Variants in PCDH15 observed in about 807,000 individuals in gnomAD.
The protein encoded by PCDH15 is protocadherin-15.
In PCDH15, 129 loss-of-function variants were observed where a neutral mutation model predicts 178.5. That is an observed-to-expected ratio of 0.72 (90% confidence interval 0.63 to 0.84). The LOEUF (loss-of-function observed/expected upper bound fraction) is 0.84. PCDH15 is among the 40% of genes least tolerant of loss of function. The pLI, the probability that PCDH15 is intolerant of heterozygous loss-of-function variation, is 0.00. For missense variants in PCDH15, 2,230 were observed against 2,099.9 expected (o/e 1.06, Z -1.21); for synonymous variants, 800 against 732.0 (o/e 1.09, Z -1.50).
chr10:54,832,628 T>C (rs1033491560), intron 3 of PCDH15, among the ~76,000 whole-genome samples: 1 of 152,330 alleles, frequency 6.6e-6, no homozygotes, highest in African/African-American at 2.4e-5. Flanking sequence ...GATTATCTAC[T>C]TTATTTCCCA....
At chr10:55,407,976 G>A (rs1838240964) in intron 2 of PCDH15, among the ~76,000 whole-genome samples, 1 of 151,902 alleles carries the variant, frequency 6.6e-6, no homozygotes, top group African/African-American at 2.4e-5. Flanking sequence ...CTGCAAAAAG[G>A]GATCAAAGGA....
intron 2 of PCDH15, among the ~76,000 whole-genome samples, chr10:54,642,463 CA>C (rs2094014036): frequency 6.6e-6 from 1 of 152,162 alleles, no homozygotes; most frequent in African/African-American, 2.4e-5. Context: ...TTATTCCCTC[CA>C]TTTAGAATAA....
At position 54,863,762 on chromosome 10, in the gene PCDH15, A is replaced by G. The variant is rs1953888830; in HGVS notation, c.-29+33688T>C. Among the ~76,000 whole-genome samples the G allele has an allele frequency of 1.3e-5, 2 of 152,208 alleles. 1 individual carries two copies. Among genetic ancestry groups the G allele is most frequent in the Non-Finnish European group, 2.9e-5 (2 of 68,036 alleles). ...ATTTTTGATGGGCTATGTCAGAGTC[A>G]GGGTTAAAGTTGATATTAAACCTCC... On this transcript the variant is annotated intron_variant, in intron 3 of 5. Coordinates refer to the PCDH15 transcript ENST00000458638.
At chr10:53,913,784 G>A (rs1333877387) in intron 25 of PCDH15, among the ~76,000 whole-genome samples, 4 of 151,708 alleles carry the variant, frequency 2.6e-5, no homozygotes. Context: ...AAAACAAAGA[G>A]CTTCTGCACA....
At position 54,332,191 on chromosome 10, in the gene PCDH15, T is replaced by C. The variant is rs977365922; in HGVS notation, c.595-2485A>G. Among the ~76,000 whole-genome samples the C allele has an allele frequency of 3.6e-5, 5 of 140,708 alleles. No individual in the cohort carries two copies. The East Asian group carries it at 9.8e-4, about 28-fold the overall frequency. 92.3% of individuals were successfully genotyped at this position (140,708 alleles called of 152,430 possible). A position where few individuals can be genotyped will look rare whatever the true frequency, so the allele number is the denominator to read the frequency against. ...AAAACTTATTATGATAGATAATAAA[T>C]TACCTTTTTGGTTAAATCATCTTTA... On this transcript the variant is annotated intron_variant, in intron 6 of 37. Coordinates refer to ENST00000644397, the MANE Select transcript of PCDH15 (RefSeq NM_001384140.1).
chr10:54,423,215 C>A (rs1194746988), intron 3 of PCDH15, among the ~76,000 whole-genome samples: 1 of 152,110 alleles, frequency 6.6e-6, no homozygotes, highest in East Asian at 1.9e-4. Flanking sequence ...GATGCTCCCC[C>A]TGCCAGCAGA....
chr10:54,033,827 T>C (rs1229324988), intron 18 of PCDH15, among the ~76,000 whole-genome samples: 3 of 151,998 alleles, frequency 2.0e-5, no homozygotes, highest in Non-Finnish European at 1.5e-5. Context: ...TATCAGGTGT[T>C]TTTATAGGTC....
At chr10:53,865,352 C>A (rs1037821851) in intron 27 of PCDH15, among the ~76,000 whole-genome samples, 1 of 151,984 alleles carries the variant, frequency 6.6e-6, no homozygotes, top group Non-Finnish European at 1.5e-5. Context: ...TGAGAGAACA[C>A]AATGGAAGTT....
chr10:54,157,033 C>G (rs1371213872), intron 13 of PCDH15, among the ~76,000 whole-genome samples: 1 of 152,174 alleles, frequency 6.6e-6, no homozygotes, highest in Non-Finnish European at 1.5e-5. Flanking sequence ...CAGGGGACAG[C>G]CTCCCCCCCA....
At chr10:54,242,197 CACAT>C (rs1179181216) in intron 8 of PCDH15, among the ~76,000 whole-genome samples, 39 of 123,224 alleles carry the variant, frequency 3.2e-4, no homozygotes, top group East Asian at 1.2e-3. Flanking sequence ...TACACACACA[CACAT>C]ACATACATAC....
Position 54,020,257 on chromosome 10 carries a change from C to A in PCDH15, c.2686G>T (p.Val896Leu). 6.2e-7 allele frequency: 1 copy of A among 1,613,716 alleles called. No individual in the cohort carries two copies. Among genetic ancestry groups the A allele is most frequent in the Non-Finnish European group, 8.5e-7 (1 of 1,179,764 alleles). ...GTTCCATAAATATCAAAGGCCTCTACCAGAAAAGTGATACTTGCTTCTTGG... is the reference window on the plus strand; with the variant it reads ...GTTCCATAAATATCAAAGGCCTCTAACAGAAAAGTGATACTTGCTTCTTGG... ...PDQEASITFL[V>L]EAFDIYGTMP... Residue 896 changes from valine to leucine, a missense_variant, in exon 20 of 38, where the codon GTA becomes TTA. Coordinates refer to ENST00000644397, the MANE Select transcript of PCDH15 (RefSeq NM_001384140.1).
intron 15 of PCDH15, among the ~76,000 whole-genome samples, chr10:54,112,578 G>A (rs996542351): frequency 2.6e-5 from 4 of 152,098 alleles, no homozygotes; most frequent in African/African-American, 9.7e-5. Flanking sequence ...CCAACCACTT[G>A]TTACTCATCT....
intron 2 of PCDH15, among the ~76,000 whole-genome samples, chr10:54,900,280 T>C (rs1282259031): frequency 2.0e-5 from 3 of 152,108 alleles, no homozygotes; most frequent in Non-Finnish European, 4.4e-5. Context: ...GTAAATTATA[T>C]ATAATATTCG....
intron 23 of PCDH15, among the ~76,000 whole-genome samples, chr10:53,953,885 G>A (rs2087340592): frequency 6.6e-6 from 1 of 152,094 alleles, no homozygotes; most frequent in Non-Finnish European, 1.5e-5. Flanking sequence ...AGCCTCTTGG[G>A]TTCATGCCAT....
rs1840014945 is a variant in PCDH15, at chr10:55,010,054, ATAAG to A, written c.-79-112558_-79-112555del. ...GTTTTAGTATTCTGATACAGTTTAC[ATAAG>A]TAATAGGAGAAAAAATGAGAAGACT... On this transcript the variant is annotated intron_variant, in intron 2 of 5. Transcript: ENST00000458638. 3.9e-5 allele frequency among the ~76,000 whole-genome samples: 6 copies of A among 152,282 alleles called. No individual in the cohort carries two copies. In the South Asian group the frequency reaches 1.2e-3, roughly 32 times the overall value.
chr10:54,310,348 A>C (rs2060827693), intron 8 of PCDH15, among the ~76,000 whole-genome samples: 1 of 152,104 alleles, frequency 6.6e-6, no homozygotes, highest in Non-Finnish European at 1.5e-5. Flanking sequence ...TGGAGGCCGG[A>C]TGCCGAGTTT....
At chr10:54,161,397 T>C (rs902598761) in intron 13 of PCDH15, among the ~76,000 whole-genome samples, 3 of 151,904 alleles carry the variant, frequency 2.0e-5, no homozygotes, top group African/African-American at 7.3e-5. Flanking sequence ...CAGCTGAAAA[T>C]GGGAGTGAGC....
rs537068363 is a variant in PCDH15, at chr10:54,859,217, T to C, written c.-29+38233A>G. Among the ~76,000 whole-genome samples, 4 of 152,238 alleles carry C rather than the reference T, an allele frequency of 2.6e-5. No individual in the cohort carries two copies. In the East Asian group the frequency reaches 7.7e-4, roughly 29 times the overall value. ...CCGTTTGTAAAGACACTTTAATAAC[T>C]CTCATTTATATGTCTTACTTTCTCT... On this transcript the variant is annotated intron_variant, in intron 3 of 5. Coordinates refer to the PCDH15 transcript ENST00000458638.
intron 1 of PCDH15, among the ~76,000 whole-genome samples, chr10:55,262,550 T>G (rs1842173320): frequency 6.6e-6 from 1 of 152,002 alleles, no homozygotes. Context: ...AAGAGTACAC[T>G]AACAGGCACC....
Sources: gnomAD v4.1 joint callset for allele counts (sites outside exome capture counted in the v4.1 genomes callset) on GRCh38, gnomAD v4.1.1 for gene constraint, MANE v1.5 for transcripts, NCBI Gene and HGNC (gene_info 2026-07-23, HGNC 2026-07-21) for gene names.